SV2C: variants seen among roughly 807,000 people sequenced by gnomAD.
SV2C encodes solute carrier family 22 member B3.
Under a neutral mutation model 79.7 loss-of-function variants are expected in SV2C, and 49 were observed. That is an observed-to-expected ratio of 0.61 (90% CI 0.49 to 0.78). SV2C has a LOEUF of 0.78. Ranked by LOEUF, SV2C falls within the 30% of genes least tolerant of loss-of-function variation. The probability of loss-of-function intolerance (pLI) is 0.00; values close to 1 mark genes in which losing one functional copy is unlikely to be tolerated. For synonymous variants in SV2C, 334 were observed against 333.2 expected, an observed-to-expected ratio of 1.00 and a Z score of -0.03; for missense variants, 833 against 912.9, an observed-to-expected ratio of 0.91 and a Z score of 1.13.
chr5:76,194,931 A>T lies in SV2C; in HGVS notation c.593A>T (p.Tyr198Phe), dbSNP rs767529386. The T allele has an allele frequency of 3.1e-6, 5 of 1,613,912 alleles. No homozygotes were observed. Among genetic ancestry groups the T allele is most frequent in the Non-Finnish European group, 3.4e-6 (4 of 1,179,908 alleles). ...SGSGWLGSIV[Y>F]LGMMVGAFFW... ...CTGTGTGTTGCAGGCAGCATAGTGT[A>T]CCTCGGGATGATGGTGGGGGCGTTC... The change falls in exon 3 of 13, where the codon TAC (tyrosine) becomes TTC (phenylalanine). Residue 198 changes from tyrosine to phenylalanine, a missense_variant. Physicochemically the swap from Tyr to Phe is conservative, Grantham distance 22. Transcript: ENST00000502798.
chr5:76,223,115 G>A (rs911319623), intron 4 of SV2C, among the ~76,000 whole-genome samples: 1 of 152,042 alleles, frequency 6.6e-6, no homozygotes, highest in East Asian at 1.9e-4. Flanking sequence ...CCCTTGCCAA[G>A]CATTCAGAGA....
chr5:75,935,834 C>G, the SV2C span, among the ~76,000 whole-genome samples: 12 of 152,266 alleles, frequency 7.9e-5, 1 homozygote, highest in African/African-American at 2.9e-4. Flanking sequence ...TTCATAGCTA[C>G]AGGTTTTCTA....
chr5:76,198,068 C>A (rs1462786162), intron 3 of SV2C, among the ~76,000 whole-genome samples: 1 of 152,164 alleles, frequency 6.6e-6, no homozygotes, highest in South Asian at 2.1e-4. Flanking sequence ...GGTTCACAAC[C>A]GATTGGATGG....
At chr5:76,222,068 T>A (rs1238635175) in intron 4 of SV2C, among the ~76,000 whole-genome samples, 1 of 152,202 alleles carries the variant, frequency 6.6e-6, no homozygotes, top group Non-Finnish European at 1.5e-5. Flanking sequence ...TCTCATGCAT[T>A]GCTTGTGGAA....
chr5:76,139,910 C>T (rs1272250400), intron 2 of SV2C, among the ~76,000 whole-genome samples: 1 of 60,974 alleles, frequency 1.6e-5, no homozygotes, highest in African/African-American at 4.0e-5. Context: ...TCGCCCAGGC[C>T]GGACTGCGGA....
chr5:76,303,318 T>C (rs1748073542), intron 12 of SV2C, among the ~76,000 whole-genome samples: 2 of 152,246 alleles, frequency 1.3e-5, no homozygotes. Flanking sequence ...CTCTGCAGCT[T>C]CATTGAGCTT....
chr5:76,136,957 G>A (rs147607351), intron 2 of SV2C, among the ~76,000 whole-genome samples: 69 of 152,296 alleles, frequency 4.5e-4, no homozygotes, highest in African/African-American at 1.6e-3. Context: ...GAAATCATTA[G>A]ACCTGTGTTT....
At chr5:75,947,624 T>C in the SV2C span, among the ~76,000 whole-genome samples, 1 of 152,014 alleles carries the variant, frequency 6.6e-6, no homozygotes, top group Non-Finnish European at 1.5e-5. Context: ...TATCCTAATT[T>C]CACCAGTGGC....
intron 12 of SV2C, among the ~76,000 whole-genome samples, chr5:76,322,249 A>T (rs1458445676): frequency 1.3e-5 from 2 of 152,342 alleles, no homozygotes; most frequent in East Asian, 3.9e-4. Context: ...AACAATAGAC[A>T]AGTGAGAGCC....
chr5:76,071,015 C>CT, the SV2C span, among the ~76,000 whole-genome samples: 1 of 152,174 alleles, frequency 6.6e-6, no homozygotes. Context: ...ACCCACCATA[C>CT]TTTTAGGGTA....
chr5:76,271,827 A>C lies in SV2C; in HGVS notation c.914-13335A>C, dbSNP rs115501040. Among the ~76,000 whole-genome samples the C allele has an allele frequency of 1.8e-3, 281 of 152,228 alleles. 1 individual carries two copies. Among genetic ancestry groups the C allele is most frequent in the African/African-American group, 6.5e-3 (272 of 41,538 alleles). ...ATCAGCTTTTTGAAAATTAGGAAACATAATAAATATGTTTCTAAAAATTCC... is the reference window on the plus strand; with the variant it reads ...ATCAGCTTTTTGAAAATTAGGAAACCTAATAAATATGTTTCTAAAAATTCC... On this transcript the variant is annotated intron_variant, in intron 4 of 12. Transcript: ENST00000502798.
At chr5:76,072,546 G>A in the SV2C span, among the ~76,000 whole-genome samples, 1 of 152,246 alleles carries the variant, frequency 6.6e-6, no homozygotes, top group African/African-American at 2.4e-5. Flanking sequence ...GGTGGTATTT[G>A]GTATCTCAGG....
chr5:76,078,893 G>GT, upstream of SV2C: 2 of 563,542 alleles, frequency 3.5e-6, no homozygotes, highest in South Asian at 2.8e-5. Context: ...GACCTTCAGA[G>GT]TTACAATGAT....
At chr5:76,289,680 T>G (rs74384677) in intron 6 of SV2C, among the ~76,000 whole-genome samples, 2,089 of 152,318 alleles carry the variant, frequency 0.014, 54 homozygotes, top group African/African-American at 0.047. Flanking sequence ...CTACTATCCT[T>G]CAGGAATCGC....
At chr5:76,091,384 T>C (rs1374237670) in intron 1 of SV2C, among the ~76,000 whole-genome samples, 1 of 152,216 alleles carries the variant, frequency 6.6e-6, no homozygotes, top group Non-Finnish European at 1.5e-5. Context: ...CCTTGAAGAT[T>C]GCTTCTGTAG....
intron 3 of SV2C, among the ~76,000 whole-genome samples, chr5:76,205,044 T>C (rs879298597): frequency 1.3e-5 from 2 of 152,210 alleles, no homozygotes; most frequent in Non-Finnish European, 2.9e-5. Context: ...AATATGCCAC[T>C]TGTGAATTTG....
At chr5:76,348,131 T>C (rs1399862734) in intron 12 of SV2C, among the ~76,000 whole-genome samples, 2 of 152,212 alleles carry the variant, frequency 1.3e-5, no homozygotes, top group Non-Finnish European at 1.5e-5. Flanking sequence ...ACTGTCTTCA[T>C]ATTTTGCTTT....
the SV2C span, among the ~76,000 whole-genome samples, chr5:75,879,717 G>A: frequency 6.6e-6 from 1 of 152,140 alleles, no homozygotes; most frequent in African/African-American, 2.4e-5. Context: ...GGTTCTGGAG[G>A]GCAGTAGCCC....
At chr5:76,030,289 T>TATTTATTTA in the SV2C span, among the ~76,000 whole-genome samples, 125 of 117,910 alleles carry the variant, frequency 1.1e-3, 2 homozygotes, top group African/African-American at 4.5e-3. Context: ...TTTTTTTTTT[T>TATTTATTTA]TTTATTTATT....
Sources: gnomAD v4.1 joint callset for allele counts (sites outside exome capture counted in the v4.1 genomes callset) on GRCh38, gnomAD v4.1.1 for gene constraint, MANE v1.5 for transcripts, NCBI Gene and HGNC (gene_info 2026-07-23, HGNC 2026-07-21) for gene names.